Variants in CAB39 observed in about 807,000 individuals in gnomAD.
CAB39 encodes calcium binding protein 39, also known as calcium-binding protein 39.
CAB39 carries 8 observed loss-of-function variants against 40.0 expected under a neutral mutation model. The observed-to-expected ratio is 0.20, with a 90% CI of 0.12 to 0.36. CAB39 has a LOEUF of 0.36. CAB39 is among the 10% of genes least tolerant of loss of function. The probability of loss-of-function intolerance (pLI) is 1.00; values close to 1 mark genes in which losing one functional copy is unlikely to be tolerated. For missense variants in CAB39, 270 were observed against 401.1 expected, an observed-to-expected ratio of 0.67 and a Z score of 2.79; for synonymous variants, 156 against 141.6, an observed-to-expected ratio of 1.10 and a Z score of -0.72.
rs200337425 is a variant in CAB39 at position 230,720,093 on chromosome 2, TTTATTAACAAGTCC to T, written c.-44+6865_-44+6878del. On this transcript the variant is annotated intron_variant, in intron 1 of 8. Transcript: ENST00000258418. ...AGTACAAGCTTAGTAAGTCAGTCTA[TTTATTAACAAGTCC>T]TCAAGCCTCACATCAGTTTCGTTGT... is the stretch of plus-strand genomic sequence containing the variant. Among the ~76,000 whole-genome samples the T allele has an allele frequency of 4.6e-5, 7 of 152,356 alleles. No individual in the cohort carries two copies. The East Asian group carries it at 1.2e-3, about 25-fold the overall frequency.
intron 1 of CAB39, among the ~76,000 whole-genome samples, chr2:230,754,709 G>T (rs113222711): frequency 0.012 from 1,903 of 152,260 alleles, 40 homozygotes; most frequent in African/African-American, 0.044. Flanking sequence ...AGTAGAGACA[G>T]GGTTTTGCCA....
intron 6 of CAB39, among the ~76,000 whole-genome samples, chr2:230,812,550 A>G (rs754472893): frequency 6.6e-6 from 1 of 152,220 alleles, no homozygotes; most frequent in African/African-American, 2.4e-5. Flanking sequence ...TGTATATATA[A>G]GAACTTGAGA....
intron 2 of CAB39, among the ~76,000 whole-genome samples, chr2:230,766,023 A>G (rs964281536): frequency 1.3e-5 from 2 of 152,246 alleles, no homozygotes; most frequent in Admixed American, 6.5e-5. Flanking sequence ...ACTAGGAGGG[A>G]AAAACCCTGG....
chr2:230,809,024 G>A (rs1028578315), intron 5 of CAB39, among the ~76,000 whole-genome samples: 3 of 152,216 alleles, frequency 2.0e-5, no homozygotes, highest in Non-Finnish European at 2.9e-5. Context: ...ACAAACCAGT[G>A]TAGAGTCACA....
intron 2 of CAB39, among the ~76,000 whole-genome samples, chr2:230,766,995 A>G (rs185249683): frequency 1.4e-3 from 215 of 152,340 alleles, no homozygotes; most frequent in African/African-American, 4.8e-3. Flanking sequence ...CGCTGAACCC[A>G]TATGAAGAAA....
At chr2:230,737,749 C>T (rs1694810992) in intron 1 of CAB39, among the ~76,000 whole-genome samples, 2 of 152,156 alleles carry the variant, frequency 1.3e-5, no homozygotes, top group African/African-American at 4.8e-5. Flanking sequence ...AGGCCTCTCA[C>T]TAAAACTTAA....
chr2:230,808,455 G>A (rs775275594), intron 5 of CAB39, among the ~76,000 whole-genome samples: 1 of 152,184 alleles, frequency 6.6e-6, no homozygotes, highest in Non-Finnish European at 1.5e-5. Context: ...ATGTTAAATG[G>A]TGCTGTCCGT....
chr2:230,806,466 C>T (rs1037320482), intron 5 of CAB39, among the ~76,000 whole-genome samples: 8 of 152,158 alleles, frequency 5.3e-5, no homozygotes, highest in Non-Finnish European at 8.8e-5. Flanking sequence ...GTGTTCCATT[C>T]CAGGCGCTAC....
intron 1 of CAB39, among the ~76,000 whole-genome samples, chr2:230,724,218 G>C (rs1202046069): frequency 2.0e-5 from 3 of 150,222 alleles, no homozygotes; most frequent in Non-Finnish European, 1.5e-5. Context: ...CTGCACTCCA[G>C]CCTGGGTGAC....
At chr2:230,760,624 T>A (rs1044018689) in intron 2 of CAB39, among the ~76,000 whole-genome samples, 19 of 152,292 alleles carry the variant, frequency 1.2e-4, no homozygotes, top group South Asian at 6.2e-4. Context: ...TACCTGATTC[T>A]TGAAATCGGT....
At chr2:230,732,583 G>C (rs939806566) in intron 1 of CAB39, among the ~76,000 whole-genome samples, 2 of 152,186 alleles carry the variant, frequency 1.3e-5, no homozygotes, top group African/African-American at 4.8e-5. Context: ...GGTCATGTAT[G>C]TAAATGCATT....
chr2:230,738,312 G>A (rs1390279338), intron 1 of CAB39, among the ~76,000 whole-genome samples: 6 of 152,308 alleles, frequency 3.9e-5, no homozygotes, highest in African/African-American at 1.4e-4. Flanking sequence ...TTTGGTTTAT[G>A]AGCTGAGTTT....
At chr2:230,767,567 A>G (rs538657479) in intron 2 of CAB39, among the ~76,000 whole-genome samples, 15 of 152,344 alleles carry the variant, frequency 9.8e-5, no homozygotes, top group Admixed American at 2.0e-4. Flanking sequence ...TGTAAGGCCT[A>G]TTTTTATCAA....
intron 5 of CAB39, among the ~76,000 whole-genome samples, chr2:230,804,529 G>A (rs1696154737): frequency 6.6e-6 from 1 of 152,054 alleles, no homozygotes; most frequent in African/African-American, 2.4e-5. Context: ...AATCTACAAA[G>A]AACTTAAACA....
intron 1 of CAB39, among the ~76,000 whole-genome samples, chr2:230,743,182 A>G (rs2124893084): frequency 6.6e-6 from 1 of 152,272 alleles, no homozygotes; most frequent in African/African-American, 2.4e-5. Context: ...GTTAGTAGAG[A>G]AGAAGACAAG....
intron 5 of CAB39, among the ~76,000 whole-genome samples, chr2:230,805,676 C>T (rs142964222): frequency 2.6e-4 from 39 of 152,344 alleles, no homozygotes; most frequent in African/African-American, 6.7e-4. Flanking sequence ...GTTAGAATTA[C>T]TCCTTCATCA....
intron 1 of CAB39, among the ~76,000 whole-genome samples, chr2:230,735,145 G>A (rs1694764252): frequency 6.6e-6 from 1 of 152,040 alleles, no homozygotes; most frequent in East Asian, 1.9e-4. Context: ...CAGTTTACAA[G>A]TAGAGCTCAG....
chr2:230,741,135 A>G (rs1414980334), intron 1 of CAB39, among the ~76,000 whole-genome samples: 1 of 152,166 alleles, frequency 6.6e-6, no homozygotes, highest in Non-Finnish European at 1.5e-5. Context: ...CCCTCTGACA[A>G]AACCACAGCT....
chr2:230,754,494 C>T (rs1038229166), intron 1 of CAB39, among the ~76,000 whole-genome samples: 2 of 146,316 alleles, frequency 1.4e-5, no homozygotes, highest in African/African-American at 5.0e-5. Context: ...CGCTCCTCTT[C>T]CTCCTCCTCC....
Sources: allele counts gnomAD v4.1 joint callset (sites outside exome capture counted in the v4.1 genomes callset), GRCh38; gene constraint gnomAD v4.1.1; transcripts MANE v1.5; gene names NCBI Gene and HGNC (gene_info 2026-07-23, HGNC 2026-07-21).